Variants in LNX1 observed in about 807,000 individuals in gnomAD.
LNX1 encodes the protein ligand of numb-protein X 1.
In LNX1, 54 loss-of-function variants were observed where a neutral mutation model predicts 68.4. That is an observed-to-expected ratio of 0.79 (90% CI 0.63 to 0.99). The LOEUF is 0.99. LNX1 is among the 50% of genes least tolerant of loss of function. The probability of loss-of-function intolerance (pLI) is 0.00; values close to 1 mark genes in which losing one functional copy is unlikely to be tolerated. For synonymous variants in LNX1, 336 were observed against 350.0 expected (o/e 0.96, Z 0.45); for missense variants, 906 against 926.4 (o/e 0.98, Z 0.29).
intron 9 of LNX1, among the ~76,000 whole-genome samples, chr4:53,471,690 A>G (rs1406362354): frequency 6.6e-6 from 1 of 152,254 alleles, no homozygotes; most frequent in African/African-American, 2.4e-5. Flanking sequence ...ATGAACAGAC[A>G]CTTCTCAAAA....
At chr4:53,558,426 T>C (rs531444901) in intron 2 of LNX1, among the ~76,000 whole-genome samples, 4 of 152,338 alleles carry the variant, frequency 2.6e-5, no homozygotes, top group South Asian at 2.1e-4. Flanking sequence ...CAGTTTGCTA[T>C]AGCGACACTG....
rs181322337 is a variant in LNX1, at chr4:53,601,556, G to A, written c.-214-10041C>T. 1.0e-3 allele frequency among the ~76,000 whole-genome samples: 158 copies of A among 152,348 alleles called. 3 individuals carry two copies. Among genetic ancestry groups the A allele is most frequent in the African/African-American group, 3.5e-3 (147 of 41,584 alleles). On this transcript the variant is annotated intron_variant, in intron 2 of 3. Transcript: ENST00000504299. ...GCCACCTGCCCATAAACTCGCAGCA[G>A]CTGTGACAACTGCGTGAGCCTGGTA...
At chr4:53,612,319 A>G (rs1320171368) in intron 2 of LNX1, among the ~76,000 whole-genome samples, 2 of 152,332 alleles carry the variant, frequency 1.3e-5, no homozygotes, top group South Asian at 2.1e-4. Flanking sequence ...GCATGGCACT[A>G]TCTATTACAA....
Position 53,477,070 on chromosome 4 carries a change from A to T in LNX1, c.1664-89T>A. On this transcript the variant is annotated intron_variant, in intron 8 of 10. Transcript: ENST00000263925. Reference sequence around the variant, plus strand: ...TGCAAGGGGATAGGGGCTGACTGGGATTGCAGGGATGCAGAGAGGGCAAAG... The same window carrying T: ...TGCAAGGGGATAGGGGCTGACTGGGTTTGCAGGGATGCAGAGAGGGCAAAG... 2 of 1,110,052 alleles carry T rather than the reference A, an allele frequency of 1.8e-6. 1 individual carries two copies. The highest frequency in any genetic ancestry group is 3.9e-4 in the Middle Eastern group (2 of 5,068). The allele number at this position is 1,110,052 out of a possible 1,614,324, so 68.8% of individuals were successfully genotyped here.
intron 4 of LNX1, among the ~76,000 whole-genome samples, chr4:53,501,307 G>C (rs1214431130): frequency 2.9e-4 from 35 of 119,340 alleles, no homozygotes; most frequent in Non-Finnish European, 3.7e-4. Flanking sequence ...TTTGGGGGTG[G>C]GGGGACAGGA....
chr4:53,537,268 T>C (rs1164603691), intron 2 of LNX1, among the ~76,000 whole-genome samples: 3 of 152,210 alleles, frequency 2.0e-5, no homozygotes, highest in Non-Finnish European at 4.4e-5. Context: ...GTAAAAGCAT[T>C]CCTGTAAATG....
At chr4:53,617,877 G>A (rs1405192743), upstream of LNX1, among the ~76,000 whole-genome samples, 2 of 152,162 alleles carry the variant, frequency 1.3e-5, no homozygotes, top group Middle Eastern at 3.2e-3. Flanking sequence ...GACAGAAATT[G>A]AGCCAGTTTT....
intron 2 of LNX1, among the ~76,000 whole-genome samples, chr4:53,537,954 C>A (rs551848673): frequency 3.8e-4 from 58 of 152,318 alleles, no homozygotes; most frequent in South Asian, 8.3e-4. Context: ...TATCCTAAGG[C>A]TGGGGGAGAG....
intron 1 of LNX1, among the ~76,000 whole-genome samples, chr4:53,644,434 C>T (rs1734805588): frequency 6.6e-6 from 1 of 151,962 alleles, no homozygotes; most frequent in Admixed American, 6.6e-5. Context: ...ACAAAACAAA[C>T]AAAACCCCAA....
chr4:53,469,759 T>C (rs1317536357), intron 9 of LNX1, among the ~76,000 whole-genome samples: 2 of 152,192 alleles, frequency 1.3e-5, no homozygotes, highest in African/African-American at 4.8e-5. Flanking sequence ...GATAAATTCC[T>C]CGACACATAC....
chr4:53,564,044 C>T (rs1241085976), intron 2 of LNX1, among the ~76,000 whole-genome samples: 1 of 152,238 alleles, frequency 6.6e-6, no homozygotes, highest in Non-Finnish European at 1.5e-5. Context: ...CAGAGAGCTG[C>T]TGTGGGCGCC....
At chr4:53,495,823 C>T (rs561107250) in intron 6 of LNX1, among the ~76,000 whole-genome samples, 200 bp downstream of exon 6, 17 of 152,322 alleles carry the variant, frequency 1.1e-4, no homozygotes, top group Middle Eastern at 3.4e-3. Flanking sequence ...GGATTACAGG[C>T]ATGGGCCACC....
intron 2 of LNX1, chr4:53,558,335 T>TA (rs1730070064): frequency 2.0e-6 from 2 of 1,014,724 alleles, no homozygotes; most frequent in South Asian, 3.2e-5. Flanking sequence ...GGCTGGGAGT[T>TA]AAAATGTGTT....
Position 53,634,410 on chromosome 4 carries a change from A to C in LNX1, c.-215+17758T>G, listed in dbSNP as rs369417673. Reference sequence around the variant, plus strand: ...AGGTGCACGCTGCCAGACCTGGCTAACTTTTTGTATTTTAGTAGAGACGGG... The same window carrying C: ...AGGTGCACGCTGCCAGACCTGGCTACCTTTTTGTATTTTAGTAGAGACGGG... On this transcript the variant is annotated intron_variant, in intron 1 of 2. Coordinates refer to the LNX1 transcript ENST00000507168. Among the ~76,000 whole-genome samples, 11 of 152,066 alleles carry C rather than the reference A, an allele frequency of 7.2e-5. No homozygotes were observed. The East Asian group carries it at 1.7e-3, about 24-fold the overall frequency.
intron 6 of LNX1, among the ~76,000 whole-genome samples, chr4:53,490,914 C>T (rs1387892590): frequency 4.6e-5 from 7 of 152,052 alleles, no homozygotes. Context: ...TAGCTTTGCT[C>T]CCATTTTTTT....
chr4:53,630,491 T>A (rs1002360883), intron 1 of LNX1, among the ~76,000 whole-genome samples: 1 of 152,160 alleles, frequency 6.6e-6, no homozygotes, highest in African/African-American at 2.4e-5. Flanking sequence ...CACTTTTTTC[T>A]TATTTTTGTG....
chr4:53,522,585 A>G (rs905847071), intron 2 of LNX1, among the ~76,000 whole-genome samples: 1 of 152,202 alleles, frequency 6.6e-6, no homozygotes, highest in Admixed American at 6.5e-5. Context: ...TCCTAAGGCC[A>G]TGTCTCCTGT....
In LNX1 at chr4:53,643,637, C is replaced by T. The variant is rs1399923472; in HGVS notation, c.-215+8531G>A. The stretch of plus-strand genomic sequence containing the variant: ...CAAGACCTCTCGCCCTCTCTCTTCC[C>T]TTTCTCCTCATTTTCCTTCTCCCTC... On this transcript the variant is annotated intron_variant, in intron 1 of 2. Coordinates refer to the LNX1 transcript ENST00000507168. 2.6e-5 allele frequency among the ~76,000 whole-genome samples: 4 copies of T among 152,326 alleles called. No individual in the cohort carries two copies. The East Asian group carries it at 7.7e-4, about 29-fold the overall frequency.
At chr4:53,574,150 T>C (rs1731343443) in intron 1 of LNX1, 62 bp from the exon 2 acceptor site, 4 of 1,220,060 alleles carry the variant, frequency 3.3e-6, no homozygotes, top group Non-Finnish European at 4.4e-6. Context: ...ATGCTTATGG[T>C]AGACATGAGA....
Sources: gnomAD v4.1 joint callset for allele counts (sites outside exome capture counted in the v4.1 genomes callset) on GRCh38, gnomAD v4.1.1 for gene constraint, MANE v1.5 for transcripts, NCBI Gene and HGNC (gene_info 2026-07-23, HGNC 2026-07-21) for gene names.